COL4A1: variants seen among roughly 807,000 people sequenced by gnomAD.
COL4A1 encodes the protein collagen type IV alpha 1 chain.
A neutral mutation model predicts 216.6 loss-of-function variants in COL4A1; 40 were observed. The observed-to-expected ratio is 0.18, with a 90% CI of 0.14 to 0.24. COL4A1 has a LOEUF of 0.24. Among genes scored for constraint, COL4A1 ranks in the 10% least tolerant of loss-of-function variants. The pLI is 1.00. For synonymous variants in COL4A1, 839 were observed against 810.7 expected, an observed-to-expected ratio of 1.03 and a Z score of -0.59; for missense variants, 1,628 against 2,196.8, an observed-to-expected ratio of 0.74 and a Z score of 5.18.
intron 16 of COL4A1, 37 bp downstream of exon 16, chr13:110,205,457 G>A (rs1474172853): frequency 1.9e-6 from 3 of 1,607,924 alleles, no homozygotes; most frequent in African/African-American, 1.4e-5. Flanking sequence ...GGTAGGAACA[G>A]TGAGCCTGCT....
chr13:110,234,454 C>G (rs533334064), intron 2 of COL4A1, among the ~76,000 whole-genome samples: 6 of 152,038 alleles, frequency 3.9e-5, no homozygotes, highest in Non-Finnish European at 8.8e-5. Flanking sequence ...GGGGGGTACA[C>G]GCCTATAATC....
chr13:110,166,141 A>G lies in COL4A1; in HGVS notation c.4021+91T>C. On this transcript the variant is annotated intron_variant, in intron 45 of 51. Coordinates refer to ENST00000375820, the MANE Select transcript of COL4A1 (RefSeq NM_001845.6). ...TGATTTTTGAGTCATTTCACATATG[A>G]AAAACCAAACACCCCAATTCTGTGC... 18 of 830,844 alleles carry G rather than the reference A, an allele frequency of 2.2e-5. 1 individual carries two copies. The South Asian group carries it at 2.4e-4, about 11-fold the overall frequency. The allele number at this position is 830,844 out of a possible 1,614,324, so 51.5% of individuals were successfully genotyped here.
At chr13:110,230,621 G>GC (rs1566396238) in intron 2 of COL4A1, among the ~76,000 whole-genome samples, 1 of 152,098 alleles carries the variant, frequency 6.6e-6, no homozygotes, top group Non-Finnish European at 1.5e-5. Context: ...TGCACCTCCG[G>GC]CCCCCACCAC....
At chr13:110,184,374 T>C (rs534885662) in intron 26 of COL4A1, among the ~76,000 whole-genome samples, 2 of 152,296 alleles carry the variant, frequency 1.3e-5, no homozygotes, top group African/African-American at 4.8e-5. Context: ...AGACAGCACT[T>C]GATTTGTTGA....
Position 110,187,139 on chromosome 13 carries a change from G to A in COL4A1, c.1727C>T (p.Pro576Leu), listed in dbSNP as rs150866172. ...TTCAAAGTCTGGAGATAAACATACCGGCGAGCCCTTGGGGCCAGGAAGACC... is the reference window on the plus strand; with the variant it reads ...TTCAAAGTCTGGAGATAAACATACCAGCGAGCCCTTGGGGCCAGGAAGACC... ...HPGLPGPKGS[P>L]GSVGLKGERG... is the part of the protein sequence containing the mutation. Residue 576 changes from proline (P) to leucine (L), a missense_variant and splice_region_variant, in exon 25 of 52, where the codon CCG becomes CTG. This residue lies in a region of COL4A1 where 701 missense variants were observed against 892.5 expected (regional missense o/e 0.79). Coordinates refer to ENST00000375820, the MANE Select transcript of COL4A1 (RefSeq NM_001845.6). 1.8e-5 allele frequency: 29 copies of A among 1,613,830 alleles called. No homozygotes were observed. Among genetic ancestry groups the A allele is most frequent in the South Asian group, 6.6e-5 (6 of 91,070 alleles).
In COL4A1 at chr13:110,174,741, T is replaced by C. The variant is rs770810937; in HGVS notation, c.3207A>G (p.Gln1069=). 1.2e-6 allele frequency: 2 copies of C among 1,613,404 alleles called. No homozygotes were observed. Among genetic ancestry groups the C allele is most frequent in the Non-Finnish European group, 8.5e-7 (1 of 1,179,506 alleles). The change falls in exon 38 of 52, where the codon CAA becomes CAG. Residue 1069 remains glutamine (Q), a synonymous_variant. Coordinates refer to ENST00000375820, the MANE Select transcript of COL4A1 (RefSeq NM_001845.6). ...IPGLRGEKGD[Q]GIAGFPGSPG... ...GGCTTCCTGGGAAACCCGCTATCCC[T>C]TGATCTCCCTGCAAGTAAAAGTCAG...
intron 1 of COL4A1, among the ~76,000 whole-genome samples, chr13:110,277,716 C>CA (rs1306672161): frequency 1.3e-5 from 2 of 152,228 alleles, no homozygotes; most frequent in African/African-American, 4.8e-5. Flanking sequence ...ATTTCAGATT[C>CA]ACTCTGGGTG....
intron 22 of COL4A1, among the ~76,000 whole-genome samples, chr13:110,194,677 C>A (rs917558570): frequency 1.6e-4 from 24 of 152,200 alleles, no homozygotes; most frequent in African/African-American, 5.1e-4. Flanking sequence ...TCTTTGGTAA[C>A]AGAAGTCTCT....
At position 110,243,608 on chromosome 13, in the gene COL4A1, T is replaced by C. The variant is rs550849114; in HGVS notation, c.85-874A>G. ...TGCTGGGATTATAGGCATGAGACAC[T>C]GTGCCCAGCCTGTAGTTCACTTCTA... On this transcript the variant is annotated intron_variant, in intron 1 of 51. Transcript: ENST00000375820. 7.9e-5 allele frequency among the ~76,000 whole-genome samples: 12 copies of C among 152,314 alleles called. No homozygotes were observed. In the South Asian group the frequency reaches 2.5e-3, roughly 32 times the overall value.
intron 26 of COL4A1, among the ~76,000 whole-genome samples, chr13:110,185,750 G>A (rs888192121): frequency 6.6e-6 from 1 of 152,200 alleles, no homozygotes; most frequent in African/African-American, 2.4e-5. Context: ...CAAGTCGTGG[G>A]AGAGGAGAAC....
intron 26 of COL4A1, 40 bp from the exon 27 acceptor site, chr13:110,183,316 G>A: frequency 6.3e-7 from 1 of 1,583,898 alleles, no homozygotes; most frequent in Non-Finnish European, 8.6e-7. Flanking sequence ...ATGAAGGAAT[G>A]AGGACCACAC....
At position 110,252,719 on chromosome 13, in the gene COL4A1, ATATAAT is replaced by A. The variant is rs1380068768; in HGVS notation, c.85-9991_85-9986del. ...AATTATATGTATATATGTATTATAC[ATATAAT>A]TATAAGTATGTATGTATTATACATA... On this transcript the variant is annotated intron_variant, in intron 1 of 51. Transcript: ENST00000375820. 3.4e-3 allele frequency among the ~76,000 whole-genome samples: 476 copies of A among 140,842 alleles called. 5 individuals carry two copies. Among genetic ancestry groups the A allele is most frequent in the African/African-American group, 0.012 (457 of 38,252 alleles). The allele number at this position is 140,842 out of a possible 152,430, so 92.4% of individuals were successfully genotyped here.
intron 2 of COL4A1, among the ~76,000 whole-genome samples, chr13:110,218,281 G>A (rs985977190): frequency 4.6e-5 from 7 of 152,094 alleles, no homozygotes; most frequent in African/African-American, 1.7e-4. Flanking sequence ...TTTCCAATCT[G>A]AAATATTAGG....
chr13:110,265,985 G>A (rs921319645), intron 1 of COL4A1: 3 of 152,174 alleles, frequency 2.0e-5, no homozygotes, highest in African/African-American at 7.2e-5. Flanking sequence ...AACCGTCTGC[G>A]GTGTCGTCAC....
intron 1 of COL4A1, among the ~76,000 whole-genome samples, chr13:110,284,928 T>C (rs771329182): frequency 2.4e-4 from 36 of 152,192 alleles, no homozygotes; most frequent in Non-Finnish European, 2.5e-4. Flanking sequence ...GATGACACCG[T>C]CCCTGCCCTT....
At chr13:110,302,249 T>C (rs1884523127) in intron 1 of COL4A1, among the ~76,000 whole-genome samples, 1 of 152,134 alleles carries the variant, frequency 6.6e-6, no homozygotes, top group Non-Finnish European at 1.5e-5. Flanking sequence ...AGGACCAAAA[T>C]GGCAGAGTCG....
chr13:110,227,134 T>A (rs1271314897), intron 2 of COL4A1, among the ~76,000 whole-genome samples: 3 of 152,230 alleles, frequency 2.0e-5, no homozygotes, highest in Admixed American at 6.5e-5. Flanking sequence ...TTTTAAAGAT[T>A]AAACTTACAG....
chr13:110,200,246 G>A (rs190494324), intron 20 of COL4A1, among the ~76,000 whole-genome samples: 3 of 152,210 alleles, frequency 2.0e-5, no homozygotes, highest in Non-Finnish European at 2.9e-5. Flanking sequence ...GTGGACACAC[G>A]TGCATCTGCG....
intron 1 of COL4A1, among the ~76,000 whole-genome samples, chr13:110,269,210 C>T (rs1288600493): frequency 1.3e-5 from 2 of 152,126 alleles, no homozygotes; most frequent in Non-Finnish European, 2.9e-5. Flanking sequence ...TTCCTGATGC[C>T]AGTAAAATAA....
Sources: gnomAD v4.1 joint callset for allele counts (sites outside exome capture counted in the v4.1 genomes callset) on GRCh38, gnomAD v4.1.1 for gene constraint, gnomAD v4.1.1 regional missense constraint, MANE v1.5 for transcripts, NCBI Gene and HGNC (gene_info 2026-07-23, HGNC 2026-07-21) for gene names.